Variants in RAB4A observed in about 807,000 individuals in gnomAD.
RAB4A encodes ras-related protein Rab-4A.
RAB4A carries 20 observed loss-of-function variants against 34.5 expected under a neutral mutation model. That is an observed-to-expected ratio of 0.58 (90% confidence interval 0.41 to 0.84). The LOEUF is 0.84. Among genes scored for constraint, RAB4A ranks in the 40% least tolerant of loss-of-function variants. The pLI is 0.00. For missense variants in RAB4A, 228 were observed against 274.5 expected (o/e 0.83, Z 1.20); for synonymous variants, 102 against 100.0 (o/e 1.02, Z -0.12).
At chr1:229,289,012 G>T in intron 3 of RAB4A, 169 bp downstream of exon 3, 1 of 590,320 alleles carries the variant, frequency 1.7e-6, no homozygotes, top group South Asian at 2.1e-5. Context: ...CTAAAATTTA[G>T]GTTAGCTCTC....
chr1:229,300,677 T>C (rs1302804153), intron 6 of RAB4A, among the ~76,000 whole-genome samples: 1 of 151,950 alleles, frequency 6.6e-6, no homozygotes, highest in Non-Finnish European at 1.5e-5. Context: ...CTGTTGCAAA[T>C]GTGCGGCCTT....
At chr1:229,289,870 A>G (rs937773766) in intron 3 of RAB4A, among the ~76,000 whole-genome samples, 31 of 152,050 alleles carry the variant, frequency 2.0e-4, no homozygotes, top group African/African-American at 6.5e-4. Flanking sequence ...TACCATAACC[A>G]CCTTTAATCA....
At chr1:229,298,296 C>T (rs1384582954) in intron 5 of RAB4A, among the ~76,000 whole-genome samples, 5 of 152,058 alleles carry the variant, frequency 3.3e-5, no homozygotes, top group Non-Finnish European at 7.4e-5. Context: ...AGAAAATAAA[C>T]ATGAGAGAAA....
chr1:229,282,837 A>G (rs396307), intron 1 of RAB4A, among the ~76,000 whole-genome samples: 1 of 151,844 alleles, frequency 6.6e-6, no homozygotes, highest in Non-Finnish European at 1.5e-5. Flanking sequence ...ATGATTTCTA[A>G]TTTTTTCATT....
At chr1:229,273,514 C>T (rs531350885) in intron 1 of RAB4A, among the ~76,000 whole-genome samples, 9 of 152,276 alleles carry the variant, frequency 5.9e-5, no homozygotes, top group Middle Eastern at 6.8e-3. Context: ...CCGAGTTGGG[C>T]GGATCACTTG....
At chr1:229,272,384 A>G (rs1466928830) in intron 1 of RAB4A, among the ~76,000 whole-genome samples, 1 of 152,142 alleles carries the variant, frequency 6.6e-6, no homozygotes, top group African/African-American at 2.4e-5. Flanking sequence ...GTGGAATGGC[A>G]TTAGGGAAGC....
At chr1:229,280,283 G>A (rs1656749771) in intron 1 of RAB4A, among the ~76,000 whole-genome samples, 2 of 152,176 alleles carry the variant, frequency 1.3e-5, no homozygotes, top group Admixed American at 1.3e-4. Context: ...AATGATTTCT[G>A]TGAGATCCAG....
At chr1:229,296,989 G>A (rs1451696929) in intron 4 of RAB4A, among the ~76,000 whole-genome samples, 1 of 152,204 alleles carries the variant, frequency 6.6e-6, no homozygotes, top group Non-Finnish European at 1.5e-5. Context: ...CTAGGGCAAC[G>A]TAATTAATCT....
Position 229,281,816 on chromosome 1 carries a change from T to TTATATATA in RAB4A, c.32-4646_32-4639dup, listed in dbSNP as rs61184911. On this transcript the variant is annotated intron_variant, in intron 1 of 7. Transcript: ENST00000366690. The stretch of plus-strand genomic sequence containing the variant: ...TTCATATATACATAACTTATCATAG[T>TTATATATA]TATATATATATATATATATATATAT... Among the ~76,000 whole-genome samples the TTATATATA allele has an allele frequency of 3.1e-3, 437 of 140,326 alleles. 2 individuals are homozygous for TTATATATA. Among genetic ancestry groups the TTATATATA allele is most frequent in the African/African-American group, 8.6e-3 (332 of 38,528 alleles). The allele number at this position is 140,326 out of a possible 152,430, so 92.1% of individuals were successfully genotyped here.
At chr1:229,287,266 A>T (rs145682743) in intron 2 of RAB4A, among the ~76,000 whole-genome samples, 1 of 152,184 alleles carries the variant, frequency 6.6e-6, no homozygotes, top group African/African-American at 2.4e-5. Context: ...GTGGTGGGTA[A>T]AAAGGAGAAA....
At position 229,288,863 on chromosome 1, in the gene RAB4A, A is replaced by T; in HGVS notation, c.227+20A>T. 1 of 1,351,076 alleles carries T rather than the reference A, an allele frequency of 7.4e-7. No homozygotes were observed. Among genetic ancestry groups the T allele is most frequent in the Non-Finnish European group, 1.0e-6 (1 of 953,048 alleles). The allele number at this position is 1,351,076 out of a possible 1,614,324, so 83.7% of individuals were successfully genotyped here. A position where few individuals can be genotyped will look rare whatever the true frequency, so the allele number is the denominator to read the frequency against. On this transcript the variant is annotated intron_variant, in intron 3 of 7. Coordinates refer to ENST00000366690, the MANE Select transcript of RAB4A (RefSeq NM_004578.4). ...ATTCAGGTAGCTTTTCTCTAACTTA[A>T]TAAAAATATTTGAAAATTTGATTTA... is the stretch of plus-strand genomic sequence containing the variant.
intron 1 of RAB4A, 113 bp downstream of exon 1, chr1:229,271,483 C>T (rs1656474477): frequency 1.5e-5 from 14 of 945,340 alleles, no homozygotes; most frequent in African/African-American, 1.8e-5. Flanking sequence ...CCGGCCGGAG[C>T]CGGGGGACGG....
Position 229,305,428 on chromosome 1 carries a change from C to A in RAB4A, c.*1635C>A. 1 of 827,816 alleles carries A rather than the reference C, an allele frequency of 1.2e-6. No homozygotes were observed. 51.3% of individuals were successfully genotyped at this position (827,816 alleles called of 1,614,324 possible). Reference sequence around the variant, plus strand: ...GATAAATGTAAAGTTGTTTTATAAACGATCCTGTTAATTAAACCACAGACA... The same window carrying A: ...GATAAATGTAAAGTTGTTTTATAAAAGATCCTGTTAATTAAACCACAGACA... On this transcript the variant is annotated 3_prime_UTR_variant, in exon 8 of 8. Coordinates refer to ENST00000366690, the MANE Select transcript of RAB4A (RefSeq NM_004578.4).
intron 6 of RAB4A, among the ~76,000 whole-genome samples, chr1:229,301,830 T>C (rs1364140186): frequency 6.6e-6 from 1 of 152,078 alleles, no homozygotes; most frequent in Non-Finnish European, 1.5e-5. Flanking sequence ...TACAAATCAT[T>C]ACAAATCAGC....
At chr1:229,297,670 A>T in intron 5 of RAB4A, 34 bp downstream of exon 5, 1 of 1,533,568 alleles carries the variant, frequency 6.5e-7, no homozygotes. Context: ...TATTTTTCAA[A>T]TCGCATATTT....
intron 5 of RAB4A, 123 bp from the exon 6 acceptor site, chr1:229,298,854 A>ACTCACAC: frequency 1.5e-6 from 1 of 684,036 alleles, no homozygotes; most frequent in Non-Finnish European, 2.6e-6. Flanking sequence ...ACAGAAATAT[A>ACTCACAC]TGGTTTTAGG....
Position 229,304,539 on chromosome 1 carries a change from C to G in RAB4A, c.*746C>G, listed in dbSNP as rs34948758. 0.014 allele frequency: 2,188 copies of G among 152,290 alleles called. 23 individuals carry two copies. Among genetic ancestry groups the G allele is most frequent in the Middle Eastern group, 0.044 (13 of 294 alleles). 9.4% of individuals were successfully genotyped at this position (152,290 alleles called of 1,614,324 possible). ...AAGGATTCTGGTACCTTTACCCAAA[C>G]CTACTGGGCTACTAATACTTCTCTC... is the stretch of plus-strand genomic sequence containing the variant. On this transcript the variant is annotated 3_prime_UTR_variant, in exon 8 of 8. Coordinates refer to ENST00000366690, the MANE Select transcript of RAB4A (RefSeq NM_004578.4).
At chr1:229,301,474 A>C in intron 6 of RAB4A, among the ~76,000 whole-genome samples, 1 of 152,318 alleles carries the variant, frequency 6.6e-6, no homozygotes, top group Admixed American at 6.5e-5. Context: ...AAACCAAGAC[A>C]CTGTTACATA....
At chr1:229,289,066 C>G in intron 3 of RAB4A, 1 of 469,820 alleles carries the variant, frequency 2.1e-6, no homozygotes, top group East Asian at 4.2e-5. Flanking sequence ...CTCCGCGCAA[C>G]TGCATTATAA....
Sources: allele counts gnomAD v4.1 joint callset (sites outside exome capture counted in the v4.1 genomes callset), GRCh38; gene constraint gnomAD v4.1.1; transcripts MANE v1.5; gene names NCBI Gene and HGNC (gene_info 2026-07-23, HGNC 2026-07-21).